NACC1: variants seen among roughly 807,000 people sequenced by gnomAD.
NACC1 encodes nucleus accumbens associated 1.
A neutral mutation model predicts 41.7 loss-of-function variants in NACC1; 6 were observed. That is an observed-to-expected ratio of 0.14 (90% confidence interval 0.08 to 0.28). The LOEUF is 0.28. NACC1 is among the 10% of genes least tolerant of loss of function. The pLI is 1.00. For synonymous variants in NACC1, 338 were observed against 330.6 expected, an observed-to-expected ratio of 1.02 and a Z score of -0.24; for missense variants, 434 against 763.7, an observed-to-expected ratio of 0.57 and a Z score of 5.09.
At chr19:13,127,226 A>G (rs761741791) in intron 1 of NACC1, among the ~76,000 whole-genome samples, 25 of 149,628 alleles carry the variant, frequency 1.7e-4, no homozygotes, top group Non-Finnish European at 3.4e-4. Context: ...GGTCAGACGC[A>G]GTGGCTCATG....
chr19:13,124,394 T>C (rs1353642539), intron 1 of NACC1, among the ~76,000 whole-genome samples: 1 of 151,448 alleles, frequency 6.6e-6, no homozygotes, highest in Admixed American at 6.6e-5. Context: ...AGGAAGACTG[T>C]CTCAACAAAA....
At chr19:13,125,980 G>A (rs1052684897) in intron 1 of NACC1, among the ~76,000 whole-genome samples, 2 of 150,526 alleles carry the variant, frequency 1.3e-5, no homozygotes, top group African/African-American at 4.9e-5. Context: ...CAGGTGATCC[G>A]CCCACCTCGG....
At chr19:13,124,227 C>T (rs566482416) in intron 1 of NACC1, among the ~76,000 whole-genome samples, 1 of 152,122 alleles carries the variant, frequency 6.6e-6, no homozygotes, top group African/African-American at 2.4e-5. Context: ...TGGAGAAACC[C>T]AGTCTCTACT....
rs1218068660 is a variant in NACC1, at chr19:13,138,869, CTCCAAAAGCGCCT to C, written c.*467_*479del. ...CCACCACCTCCCAGTGCTTCCACGT[CTCCAAAAGCGCCT>C]TCCTGTCACCCTCGTCTATCCCTGC... On this transcript the variant is annotated 3_prime_UTR_variant, in exon 6 of 6. Coordinates refer to ENST00000292431, the MANE Select transcript of NACC1 (RefSeq NM_052876.4). This position sits in a 1 kb window ranked among gnomAD's most constrained non-coding sequence, Gnocchi z 5.7. The C allele has an allele frequency of 6.1e-6, 1 of 164,742 alleles. No homozygotes were observed. Among genetic ancestry groups the C allele is most frequent in the Non-Finnish European group, 1.3e-5 (1 of 75,184 alleles). 10.2% of individuals were successfully genotyped at this position (164,742 alleles called of 1,614,324 possible).
upstream of NACC1, chr19:13,117,044 T>A (rs924775910): frequency 3.3e-5 from 5 of 152,616 alleles, no homozygotes; most frequent in Non-Finnish European, 7.3e-5. Context: ...GAGTTGGATT[T>A]ACCGGGTTTG....
intron 1 of NACC1, among the ~76,000 whole-genome samples, chr19:13,127,400 T>TCC (rs1568383406): frequency 3.0e-5 from 3 of 100,828 alleles, no homozygotes; most frequent in African/African-American, 1.2e-4. Context: ...TTTTTTTTTT[T>TCC]CGGTTAACTG....
intron 1 of NACC1, among the ~76,000 whole-genome samples, chr19:13,125,412 CTTTT>C (rs760978944): frequency 7.0e-5 from 7 of 100,302 alleles, no homozygotes; most frequent in Admixed American, 2.2e-4. Context: ...GAAGGCCCCA[CTTTT>C]TTTTTTTTTT....
At chr19:13,131,983 C>T (rs1385574430) in intron 1 of NACC1, 2 of 152,172 alleles carry the variant, frequency 1.3e-5, no homozygotes, top group Admixed American at 6.5e-5. Context: ...GCCTCAGCCT[C>T]CCGAGTAGCT....
intron 1 of NACC1, among the ~76,000 whole-genome samples, chr19:13,125,696 AG>A (rs1159837939): frequency 1.3e-5 from 2 of 152,120 alleles, no homozygotes; most frequent in African/African-American, 4.8e-5. Context: ...CTGGGATTAC[AG>A]GCGTGAGCCA....
Position 13,138,447 on chromosome 19 carries a change from A to G in NACC1, c.*41A>G, listed in dbSNP as rs746698138. The G allele has an allele frequency of 1.2e-5, 15 of 1,242,422 alleles. No homozygotes were observed. The highest frequency in any genetic ancestry group is 2.2e-4 in the Middle Eastern group (1 of 4,644). 77.0% of individuals were successfully genotyped at this position (1,242,422 alleles called of 1,614,324 possible). ...GCGGGGCCACACACTTCCCCTCCCAACACACACACACACCTGCCATCTTGG... is the reference window on the plus strand; with the variant it reads ...GCGGGGCCACACACTTCCCCTCCCAGCACACACACACACCTGCCATCTTGG... On this transcript the variant is annotated 3_prime_UTR_variant, in exon 6 of 6. Coordinates refer to ENST00000292431, the MANE Select transcript of NACC1 (RefSeq NM_052876.4). This position sits in a 1 kb window ranked among gnomAD's most constrained non-coding sequence, Gnocchi z 5.7.
At chr19:13,123,920 G>C (rs1422018468) in intron 1 of NACC1, among the ~76,000 whole-genome samples, 2 of 152,068 alleles carry the variant, frequency 1.3e-5, no homozygotes, top group Non-Finnish European at 2.9e-5. Context: ...TGGCAGGCAG[G>C]CTCATTTCTT....
At chr19:13,127,400 T>TTTTTTTTTTTTTTTC (rs1245933408) in intron 1 of NACC1, among the ~76,000 whole-genome samples, 17 of 100,868 alleles carry the variant, frequency 1.7e-4, no homozygotes, top group African/African-American at 6.6e-4. Context: ...TTTTTTTTTT[T>TTTTTTTTTTTTTTTC]CGGTTAACTG....
chr19:13,122,530 G>GA (rs1555721151), intron 1 of NACC1, among the ~76,000 whole-genome samples: 1 of 150,946 alleles, frequency 6.6e-6, no homozygotes, highest in Non-Finnish European at 1.5e-5. Context: ...TGCCGGGGGG[G>GA]GGGGGGTGTG....
chr19:13,132,835 T>C (rs143942840), intron 1 of NACC1, among the ~76,000 whole-genome samples: 3 of 152,332 alleles, frequency 2.0e-5, no homozygotes, highest in African/African-American at 7.2e-5. Flanking sequence ...AGAATCAGGT[T>C]GACCTCCTCA....
chr19:13,133,649 C>CATGTTT (rs559264109), intron 1 of NACC1, among the ~76,000 whole-genome samples: 272 of 152,158 alleles, frequency 1.8e-3, no homozygotes, highest in Admixed American at 2.9e-3. Context: ...ATGGACTGAC[C>CATGTTT]ATGTTTAGTT....
intron 1 of NACC1, among the ~76,000 whole-genome samples, chr19:13,119,414 T>C (rs1341312805): frequency 1.3e-5 from 2 of 152,168 alleles, no homozygotes; most frequent in Non-Finnish European, 2.9e-5. Flanking sequence ...TTAGGCATCT[T>C]GTTTATCACA....
chr19:13,118,701 A>T (rs1004327433), intron 1 of NACC1, among the ~76,000 whole-genome samples: 1 of 125,310 alleles, frequency 8.0e-6, no homozygotes, highest in African/African-American at 3.0e-5. Context: ...CCAGCGAGGG[A>T]GGGGGCCAGG....
chr19:13,128,187 G>A (rs916460049), intron 1 of NACC1, among the ~76,000 whole-genome samples: 15 of 152,132 alleles, frequency 9.9e-5, no homozygotes, highest in East Asian at 1.9e-4. Context: ...AGGGAAGTCC[G>A]GGCCAAAGAC....
chr19:13,135,191 C>G lies in NACC1; in HGVS notation c.-8-9C>G. 1 of 1,565,806 alleles carries G rather than the reference C, an allele frequency of 6.4e-7. No individual in the cohort carries two copies. Reference sequence around the variant, plus strand: ...TCTGTCTCTCCATTCCTCCCTGCCCCTCGTGCAGCCGCTGCCATGGCCCAG... The same window carrying G: ...TCTGTCTCTCCATTCCTCCCTGCCCGTCGTGCAGCCGCTGCCATGGCCCAG... On this transcript the variant is annotated splice_polypyrimidine_tract_variant and intron_variant, in intron 1 of 5. Coordinates refer to ENST00000292431, the MANE Select transcript of NACC1 (RefSeq NM_052876.4).
Sources: allele counts gnomAD v4.1 joint callset (sites outside exome capture counted in the v4.1 genomes callset), GRCh38; gene constraint gnomAD v4.1.1; non-coding constraint Gnocchi (gnomAD v3.1); transcripts MANE v1.5; gene names NCBI Gene and HGNC (gene_info 2026-07-23, HGNC 2026-07-21).